Variants in STAG2 observed in about 807,000 individuals in gnomAD.
STAG2 encodes the protein STAG2 cohesin complex component, also known as cohesin subunit SA-2.
In STAG2, 14 loss-of-function variants were observed where a neutral mutation model predicts 108.1. That is an observed-to-expected ratio of 0.13 (90% CI 0.09 to 0.20). The LOEUF (loss-of-function observed/expected upper bound fraction) is 0.20, where lower values mean the gene tolerates loss of function less well. Ranked by LOEUF, STAG2 falls within the 10% of genes least tolerant of loss-of-function variation. The pLI is 1.00. For missense variants in STAG2, 440 were observed against 940.9 expected, an observed-to-expected ratio of 0.47 and a Z score of 6.96; for synonymous variants, 307 against 302.7, an observed-to-expected ratio of 1.01 and a Z score of -0.15.
At chrX:123,974,236 CTT>C (rs201656151) in intron 1 of STAG2, among the ~76,000 whole-genome samples, 1 of 98,716 alleles carries the variant, frequency 1.0e-5, no homozygotes. Context: ...TTTCTTTTTT[CTT>C]TTTTTTTTTT....
chrX:124,094,392 GGT>G (rs1313003140), intron 33 of STAG2, among the ~76,000 whole-genome samples: 1 of 111,116 alleles, frequency 9.0e-6, no homozygotes, highest in Non-Finnish European at 1.9e-5. Context: ...GGAATATATA[GGT>G]TTAAAGGGTA....
At chrX:124,055,185 C>A (rs2058159104) in intron 13 of STAG2, among the ~76,000 whole-genome samples, 1 of 112,288 alleles carries the variant, frequency 8.9e-6, no homozygotes, top group African/African-American at 3.2e-5. Context: ...CAATTTAGTT[C>A]TTTTTCTCTC....
chrX:123,970,233 C>T (rs1242331099), intron 1 of STAG2, among the ~76,000 whole-genome samples: 4 of 109,689 alleles, frequency 3.6e-5, no homozygotes, highest in Non-Finnish European at 5.7e-5. Flanking sequence ...CATATTTCCC[C>T]CTTTGTATTC....
intron 1 of STAG2, among the ~76,000 whole-genome samples, chrX:124,003,052 C>T (rs957735327): frequency 1.1e-4 from 12 of 109,684 alleles, no homozygotes; most frequent in Non-Finnish European, 2.3e-4. Context: ...ACTGCAACTT[C>T]TACCTCCTGG....
At chrX:123,979,691 T>C (rs1378343197) in intron 1 of STAG2, among the ~76,000 whole-genome samples, 1 of 111,313 alleles carries the variant, frequency 9.0e-6, no homozygotes, top group Non-Finnish European at 1.9e-5. Flanking sequence ...TTCTAGGTTC[T>C]GTAGAGCCTT....
chrX:124,048,838 T>A (rs371913760), intron 9 of STAG2, among the ~76,000 whole-genome samples, 167 bp from the exon 10 acceptor site: 3 of 111,968 alleles, frequency 2.7e-5, no homozygotes, highest in African/African-American at 9.7e-5. Context: ...TTTATCTACC[T>A]GGTAATATAA....
At chrX:123,974,423 A>C (rs1462048561) in intron 1 of STAG2, among the ~76,000 whole-genome samples, 2 of 106,322 alleles carry the variant, frequency 1.9e-5, no homozygotes, top group Non-Finnish European at 3.9e-5. Context: ...AAAGGGTTTC[A>C]CTGTGTTGGC....
At chrX:124,041,821 G>A (rs904764137) in intron 6 of STAG2, among the ~76,000 whole-genome samples, 2 of 111,058 alleles carry the variant, frequency 1.8e-5, no homozygotes, top group Non-Finnish European at 3.8e-5. Flanking sequence ...ATCCTCCTGT[G>A]TAAGATTCTA....
rs376115084 is a variant in STAG2, at chrX:123,993,430, A to AT, written c.-162-27927dup. Among the ~76,000 whole-genome samples, 721 of 108,739 alleles carry AT rather than the reference A, an allele frequency of 6.6e-3. 3 individuals are homozygous for AT. Among genetic ancestry groups the AT allele is most frequent in the African/African-American group, 0.013 (388 of 29,935 alleles). 94.4% of individuals were successfully genotyped at this position (108,739 alleles called of 115,157 possible). A position where few individuals can be genotyped will look rare whatever the true frequency, so the allele number is the denominator to read the frequency against. Reference sequence around the variant, plus strand: ...GAGCAATACCTTTCAGGAAAGGTACATTTTTTTTTTCTTGTGGAAAGAAGA... The same window carrying AT: ...GAGCAATACCTTTCAGGAAAGGTACATTTTTTTTTTTCTTGTGGAAAGAAGA... On this transcript the variant is annotated intron_variant, in intron 1 of 34. Coordinates refer to ENST00000371145, the MANE Select transcript of STAG2 (RefSeq NM_001042750.2).
intron 1 of STAG2, among the ~76,000 whole-genome samples, chrX:123,984,918 C>G (rs1366586157): frequency 8.9e-6 from 1 of 111,792 alleles, no homozygotes; most frequent in African/African-American, 3.3e-5. Context: ...GGTGTGATTA[C>G]AGGCACAAGC....
intron 1 of STAG2, among the ~76,000 whole-genome samples, chrX:123,992,397 A>G (rs1226859534): frequency 1.8e-5 from 2 of 111,445 alleles, no homozygotes; most frequent in African/African-American, 3.3e-5. Flanking sequence ...TAATATTTGA[A>G]TTGAAATCTC....
At chrX:124,029,344 T>C (rs1452920353) in intron 4 of STAG2, among the ~76,000 whole-genome samples, 4 of 106,569 alleles carry the variant, frequency 3.8e-5, no homozygotes, top group Non-Finnish European at 7.7e-5. Context: ...AGAGTTTCGC[T>C]CTGTCACCCA....
At chrX:124,091,465 C>T (rs935463396) in intron 32 of STAG2, among the ~76,000 whole-genome samples, 3 of 112,313 alleles carry the variant, frequency 2.7e-5, no homozygotes, top group East Asian at 2.8e-4. Context: ...TTCTGTGGCT[C>T]CCCATTGCCT....
At chrX:123,995,818 C>T (rs2055711468) in intron 1 of STAG2, among the ~76,000 whole-genome samples, 1 of 112,445 alleles carries the variant, frequency 8.9e-6, no homozygotes, top group South Asian at 3.6e-4. Flanking sequence ...GATATCCCTT[C>T]TTAGACCTGT....
At chrX:124,041,761 G>A (rs1410179132) in intron 6 of STAG2, among the ~76,000 whole-genome samples, 2 of 111,441 alleles carry the variant, frequency 1.8e-5, no homozygotes, top group Admixed American at 9.5e-5. Context: ...GTCTCCACCT[G>A]ACTAATGTTT....
chrX:124,043,106 C>T (rs1337542063), intron 7 of STAG2, among the ~76,000 whole-genome samples: 1 of 109,054 alleles, frequency 9.2e-6, no homozygotes, highest in East Asian at 2.9e-4. Context: ...CGACCTTTGG[C>T]AGGTTGTTGT....
chrX:124,094,454 A>T (rs2059330339), intron 33 of STAG2, among the ~76,000 whole-genome samples: 1 of 111,893 alleles, frequency 8.9e-6, no homozygotes, highest in African/African-American at 3.2e-5. Flanking sequence ...TTATTTAATT[A>T]TGCATTTTAA....
At chrX:124,013,032 T>C (rs2056573149) in intron 1 of STAG2, among the ~76,000 whole-genome samples, 1 of 111,601 alleles carries the variant, frequency 9.0e-6, no homozygotes, top group Non-Finnish European at 1.9e-5. Flanking sequence ...TTTTGAAATT[T>C]GCCAGTGAGC....
At chrX:124,051,651 T>C (rs760148212) in intron 13 of STAG2, among the ~76,000 whole-genome samples, 39 of 109,407 alleles carry the variant, frequency 3.6e-4, no homozygotes, top group Non-Finnish European at 6.9e-4. Context: ...AGTGCAGTGG[T>C]ACGATCTCAG....
Sources: gnomAD v4.1 joint callset for allele counts (sites outside exome capture counted in the v4.1 genomes callset) on GRCh38, gnomAD v4.1.1 for gene constraint, MANE v1.5 for transcripts, NCBI Gene and HGNC (gene_info 2026-07-23, HGNC 2026-07-21) for gene names.